Variants in RASGRP3 observed in about 807,000 individuals in gnomAD.
RASGRP3 encodes the protein RAS guanyl releasing protein 3, also known as ras guanyl-releasing protein 3.
A neutral mutation model predicts 82.7 loss-of-function variants in RASGRP3; 54 were observed. The observed-to-expected ratio is 0.65, with a 90% CI of 0.52 to 0.82. RASGRP3 has a LOEUF of 0.82. Ranked by LOEUF, RASGRP3 falls within the 40% of genes least tolerant of loss-of-function variation. The pLI is 0.00. For missense variants in RASGRP3, 861 were observed against 828.9 expected (o/e 1.04, Z -0.48); for synonymous variants, 309 against 300.5 (o/e 1.03, Z -0.29).
intron 1 of RASGRP3, among the ~76,000 whole-genome samples, chr2:33,509,951 T>A (rs1000953275): frequency 3.3e-5 from 5 of 151,802 alleles, no homozygotes; most frequent in East Asian, 3.9e-4. Context: ...CACAGCACTT[T>A]AAAAAAAAAT....
intron 14 of RASGRP3, among the ~76,000 whole-genome samples, chr2:33,552,410 T>C (rs1352566154): frequency 6.6e-6 from 1 of 152,276 alleles, no homozygotes; most frequent in African/African-American, 2.4e-5. Context: ...ACATTTTTTA[T>C]GTATTCCTTG....
At chr2:33,514,136 A>G (rs1374756695) in intron 2 of RASGRP3, 1 of 152,200 alleles carries the variant, frequency 6.6e-6, no homozygotes, top group African/African-American at 2.4e-5. Context: ...AAGCATTCGG[A>G]ATGGTGCATA....
chr2:33,538,527 TAATAAA>T (rs1297817360), intron 11 of RASGRP3, among the ~76,000 whole-genome samples: 1 of 150,002 alleles, frequency 6.7e-6, no homozygotes, highest in African/African-American at 2.5e-5. Flanking sequence ...AATAAATAAA[TAATAAA>T]AATAAAATAA....
Position 33,549,732 on chromosome 2 carries a change from G to T in RASGRP3, c.1523G>T (p.Cys508Phe). Residue 508 changes from cysteine to phenylalanine, a missense_variant, in exon 14 of 18, where the codon TGC becomes TTC. Transcript: ENST00000403687. The stretch of plus-strand genomic sequence containing the variant: ...ATGACCTATCTCAAGCCAACCTTCT[G>T]CGAACACTGTGCGGGATTTGTAAGT... ...QEMTYLKPTF[C>F]EHCAGFLWGI... is the part of the protein sequence containing the mutation. The T allele has an allele frequency of 1.2e-6, 2 of 1,613,898 alleles. No individual in the cohort carries two copies. Among genetic ancestry groups the T allele is most frequent in the South Asian group, 1.1e-5 (1 of 91,028 alleles).
At chr2:33,523,790 AAT>A in intron 7 of RASGRP3, 87 bp from the exon 8 acceptor site, 1 of 1,273,498 alleles carries the variant, frequency 7.9e-7, no homozygotes, top group South Asian at 1.6e-5. Flanking sequence ...GTTACGAAAC[AAT>A]ATCTCACCTT....
In RASGRP3 at chr2:33,521,982, C is replaced by A; in HGVS notation, c.396C>A (p.Val132=). 6.2e-7 allele frequency: 1 copy of A among 1,613,574 alleles called. No homozygotes were observed. The highest frequency in any genetic ancestry group is 8.5e-7 in the Non-Finnish European group (1 of 1,179,760). The part of the protein sequence containing the change: ...SIPSYDWMRR[V]TQRKKVSKKG... ...CTTCCTATGACTGGATGAGAAGAGTCACACAGAGGAAAAAAGTATCCAAGA... is the reference window on the plus strand; with the variant it reads ...CTTCCTATGACTGGATGAGAAGAGTAACACAGAGGAAAAAAGTATCCAAGA... Residue 132 remains valine, a synonymous_variant, in exon 7 of 18, where the codon GTC becomes GTA. Transcript: ENST00000403687.
Position 33,527,246 on chromosome 2 carries a change from T to C in RASGRP3, c.917T>C (p.Leu306Ser), listed in dbSNP as rs1452355941. ...GFKIPILGVHLKDLIAVHVIF... is the reference protein window; with the variant it reads ...GFKIPILGVHSKDLIAVHVIF... ...AAAATCCCCATCCTTGGAGTACACT[T>C]GAAAGACTTGATAGCTGTCCATGTC... Residue 306 changes from leucine (L) to serine (S), a missense_variant, in exon 10 of 18, where the codon TTG (leucine) becomes TCG (serine). Leu to Ser is a moderately radical substitution (Grantham distance 145). Transcript: ENST00000403687. 6.2e-7 allele frequency: 1 copy of C among 1,614,008 alleles called. No homozygotes were observed. Among genetic ancestry groups the C allele is most frequent in the Admixed American group, 1.7e-5 (1 of 60,020 alleles).
At chr2:33,516,706 G>C in intron 4 of RASGRP3, 62 bp downstream of exon 4, 1 of 1,144,032 alleles carries the variant, frequency 8.7e-7, no homozygotes, top group Non-Finnish European at 1.3e-6. Context: ...TTTAGATAGA[G>C]TGTCTATCCA....
At position 33,519,972 on chromosome 2, in the gene RASGRP3, A is replaced by G; in HGVS notation, c.194A>G (p.Glu65Gly). 1 of 1,610,630 alleles carries G rather than the reference A, an allele frequency of 6.2e-7. No individual in the cohort carries two copies. The highest frequency in any genetic ancestry group is 1.3e-5 in the African/African-American group (1 of 74,976). ...LLCMYRNATG[E>G]SCNEFRLKIC... is the part of the protein sequence containing the mutation. ...TTTACGTATCGAAATGCCACTGGAG[A>G]AAGCTGCAATGAATTTCGATTAAAG... Residue 65 changes from glutamate (E) to glycine (G), a missense_variant, in exon 5 of 18, where the codon GAA becomes GGA. Coordinates refer to ENST00000403687, the MANE Select transcript of RASGRP3 (RefSeq NM_001139488.2).
At chr2:33,492,582 G>A (rs1165330850) in intron 1 of RASGRP3, among the ~76,000 whole-genome samples, 2 of 152,146 alleles carry the variant, frequency 1.3e-5, no homozygotes, top group Non-Finnish European at 2.9e-5. Flanking sequence ...ATTTCTGATA[G>A]GGCTGGTGTC....
At chr2:33,451,882 T>A (rs1011417089) in intron 2 of RASGRP3, among the ~76,000 whole-genome samples, 3 of 152,104 alleles carry the variant, frequency 2.0e-5, no homozygotes, top group African/African-American at 7.2e-5. Context: ...TATTGTTTCA[T>A]AAATCCTATA....
rs1673394118 is a variant in RASGRP3, at chr2:33,534,354, A to G, written c.1115A>G (p.Asp372Gly). The G allele has an allele frequency of 6.3e-7, 1 of 1,581,268 alleles. No individual in the cohort carries two copies. The highest frequency in any genetic ancestry group is 8.7e-7 in the Non-Finnish European group (1 of 1,151,046). Residue 372 changes from aspartate to glycine, a missense_variant, in exon 11 of 18, where the codon GAT becomes GGT. Coordinates refer to ENST00000403687, the MANE Select transcript of RASGRP3 (RefSeq NM_001139488.2). ...CTGGACCTCTATCACACTGAAGATG[A>G]TATTTACAAACTGTCACTGGTGCTG... ...LSLDLYHTED[D>G]IYKLSLVLEP... is the part of the protein sequence containing the mutation.
Position 33,560,438 on chromosome 2 carries a change from C to T in RASGRP3, c.2064+1408C>T, listed in dbSNP as rs923268398. Among the ~76,000 whole-genome samples the T allele has an allele frequency of 7.2e-5, 11 of 152,164 alleles. No individual in the cohort carries two copies. In the East Asian group the frequency reaches 9.6e-4, roughly 13 times the overall value. ...GATTAGGTGTCAACAGCTCTTAACCCGAGGTCTATTTAATGGCTTTAGGGT... is the reference window on the plus strand; with the variant it reads ...GATTAGGTGTCAACAGCTCTTAACCTGAGGTCTATTTAATGGCTTTAGGGT... On this transcript the variant is annotated intron_variant, in intron 17 of 17. Transcript: ENST00000403687.
intron 6 of RASGRP3, among the ~76,000 whole-genome samples, chr2:33,520,956 G>T (rs1234047066): frequency 6.6e-6 from 1 of 152,146 alleles, no homozygotes; most frequent in African/African-American, 2.4e-5. Context: ...GAAAGGATTT[G>T]GCATGCAATA....
chr2:33,534,105 G>T, intron 10 of RASGRP3: 1 of 541,610 alleles, frequency 1.8e-6, no homozygotes, highest in Non-Finnish European at 3.3e-6. Context: ...CTGAGGAATT[G>T]AGTTGATGGT....
intron 2 of RASGRP3, among the ~76,000 whole-genome samples, chr2:33,462,134 C>G (rs746947487): frequency 1.3e-5 from 2 of 151,958 alleles, no homozygotes. Flanking sequence ...TAATTACAGC[C>G]ATGATGTAAA....
chr2:33,552,249 G>A (rs1331438118), intron 14 of RASGRP3, among the ~76,000 whole-genome samples: 1 of 152,154 alleles, frequency 6.6e-6, no homozygotes, highest in Non-Finnish European at 1.5e-5. Flanking sequence ...CTGGGTTAAA[G>A]TTTTGCCCTT....
intron 10 of RASGRP3, 111 bp downstream of exon 10, chr2:33,527,523 G>A (rs1359916403): frequency 8.7e-7 from 1 of 1,150,420 alleles, no homozygotes; most frequent in Non-Finnish European, 1.2e-6. Flanking sequence ...ATTGGTTTCA[G>A]AGTCAATAGA....
chr2:33,529,127 T>A (rs1672853737), intron 10 of RASGRP3, among the ~76,000 whole-genome samples: 1 of 152,130 alleles, frequency 6.6e-6, no homozygotes, highest in Admixed American at 6.6e-5. Flanking sequence ...GAAATTAATT[T>A]GAGTTATAAA....
Sources: allele counts gnomAD v4.1 joint callset (sites outside exome capture counted in the v4.1 genomes callset), GRCh38; gene constraint gnomAD v4.1.1; transcripts MANE v1.5; gene names NCBI Gene and HGNC (gene_info 2026-07-23, HGNC 2026-07-21).